The following TUT4 variants were observed in gnomAD, a reference collection of about 807,000 sequenced individuals.
TUT4 encodes the protein terminal uridylyltransferase 4.
In TUT4, 36 loss-of-function variants were observed where a neutral mutation model predicts 192.2. The ratio of observed to expected loss-of-function variants is 0.19; its 90% CI spans 0.14 to 0.25. The LOEUF (loss-of-function observed/expected upper bound fraction) is 0.25, where lower values mean the gene tolerates loss of function less well. Among genes scored for constraint, TUT4 ranks in the 10% least tolerant of loss-of-function variants. The pLI is 1.00. For synonymous variants in TUT4, 618 were observed against 666.0 expected, an observed-to-expected ratio of 0.93 and a Z score of 1.11; for missense variants, 1,493 against 1,957.2, an observed-to-expected ratio of 0.76 and a Z score of 4.47.
At chr1:52,549,907 TGA>T (rs1422742644) in intron 1 of TUT4, among the ~76,000 whole-genome samples, 1 of 152,126 alleles carries the variant, frequency 6.6e-6, no homozygotes, top group Admixed American at 6.5e-5. Flanking sequence ...AGATATCCAA[TGA>T]GATGATGTGA....
At chr1:52,543,622 T>G (rs1687296255) in intron 1 of TUT4, among the ~76,000 whole-genome samples, 2 of 151,900 alleles carry the variant, frequency 1.3e-5, no homozygotes, top group Non-Finnish European at 2.9e-5. Context: ...TAGCTGGGAT[T>G]ACAGGTACCT....
chr1:52,481,772 T>C lies in TUT4; in HGVS notation c.1635+32A>G, dbSNP rs531167260. The stretch of plus-strand genomic sequence containing the variant: ...TCTGCAAGAGCAAACTATATATATA[T>C]ATGCATATATATGTCACAAATTCAT... On this transcript the variant is annotated intron_variant, in intron 10 of 29. Coordinates refer to ENST00000257177, the MANE Select transcript of TUT4 (RefSeq NM_001009881.3). 3 of 1,560,082 alleles carry C rather than the reference T, an allele frequency of 1.9e-6. No homozygotes were observed. The African/African-American group carries it at 4.2e-5, about 22-fold the overall frequency.
chr1:52,473,456 C>T (rs1017659414), intron 13 of TUT4, among the ~76,000 whole-genome samples: 2 of 152,040 alleles, frequency 1.3e-5, no homozygotes, highest in African/African-American at 4.8e-5. Flanking sequence ...GAGGAGGGTA[C>T]TTTTGGAGCT....
At chr1:52,534,301 A>T (rs2149556289) in intron 1 of TUT4, among the ~76,000 whole-genome samples, 1 of 152,328 alleles carries the variant, frequency 6.6e-6, no homozygotes, top group East Asian at 1.9e-4. Flanking sequence ...CGGTATCAGT[A>T]AACCAGTTGA....
intron 1 of TUT4, among the ~76,000 whole-genome samples, chr1:52,537,222 C>A (rs1329349885): frequency 6.6e-6 from 1 of 151,960 alleles, no homozygotes; most frequent in Non-Finnish European, 1.5e-5. Flanking sequence ...TTGGAAAACA[C>A]AATCTATCAT....
chr1:52,469,509 T>TG (rs1665104681), intron 14 of TUT4, among the ~76,000 whole-genome samples: 1 of 152,138 alleles, frequency 6.6e-6, no homozygotes, highest in South Asian at 2.1e-4. Context: ...TTCTCACTGT[T>TG]GGAGTGGGGG....
rs1670701724 is a variant in TUT4 at position 52,489,869 on chromosome 1, A to G, written c.1389-834T>C. ...CTCATCTAGCTTTGAATAAGAAAATACCTTGATCTTAAAATATAATACAAG... is the reference window on the plus strand; with the variant it reads ...CTCATCTAGCTTTGAATAAGAAAATGCCTTGATCTTAAAATATAATACAAG... On this transcript the variant is annotated intron_variant, in intron 8 of 29. Transcript: ENST00000257177. Among the ~76,000 whole-genome samples, 4 of 152,358 alleles carry G rather than the reference A, an allele frequency of 2.6e-5. No individual in the cohort carries two copies. The South Asian group carries it at 8.3e-4, about 32-fold the overall frequency.
chr1:52,470,515 G>A (rs1203885306), intron 14 of TUT4, among the ~76,000 whole-genome samples: 1 of 151,718 alleles, frequency 6.6e-6, no homozygotes, highest in African/African-American at 2.4e-5. Context: ...TTATCAACAG[G>A]TGAATGGATA....
intron 8 of TUT4, among the ~76,000 whole-genome samples, chr1:52,489,424 C>T (rs1570878939): frequency 6.6e-6 from 1 of 152,188 alleles, no homozygotes; most frequent in East Asian, 1.9e-4. Context: ...AATCCTCTTG[C>T]TTTCTACATG....
At chr1:52,480,362 C>CA (rs1341607105) in intron 11 of TUT4, among the ~76,000 whole-genome samples, 6 of 152,092 alleles carry the variant, frequency 3.9e-5, no homozygotes, top group African/African-American at 1.4e-4. Flanking sequence ...GCTAATAAAT[C>CA]AAAAACAACA....
rs375479002 is a variant in TUT4, at chr1:52,480,753, C to A, written c.1848+670G>T. Among the ~76,000 whole-genome samples the A allele has an allele frequency of 5.3e-5, 8 of 152,174 alleles. No homozygotes were observed. In the South Asian group the frequency reaches 1.7e-3, roughly 32 times the overall value. The stretch of plus-strand genomic sequence containing the variant: ...CTTTAGATAAGAACATGGCAAGTTC[C>A]CAGTGAAGTAATAAGCAAGCATTGG... On this transcript the variant is annotated intron_variant, in intron 11 of 29. Transcript: ENST00000257177.
chr1:52,548,083 A>G (rs1226788288), intron 1 of TUT4, among the ~76,000 whole-genome samples: 1 of 152,160 alleles, frequency 6.6e-6, no homozygotes, highest in Non-Finnish European at 1.5e-5. Context: ...AAGTCTTCAC[A>G]TGTCACCCCA....
At chr1:52,538,668 A>AG (rs1479720084) in intron 1 of TUT4, 1 of 151,060 alleles carries the variant, frequency 6.6e-6, no homozygotes, top group African/African-American at 2.4e-5. Context: ...AGAAAAGAAA[A>AG]GAAAAAAAAA....
At chr1:52,479,486 T>C (rs1042193262) in intron 11 of TUT4, among the ~76,000 whole-genome samples, 2 of 152,126 alleles carry the variant, frequency 1.3e-5, no homozygotes, top group Non-Finnish European at 1.5e-5. Flanking sequence ...TCTGGATACA[T>C]GTTGAAGTAG....
chr1:52,503,984 T>G (rs1674845093), intron 4 of TUT4, among the ~76,000 whole-genome samples: 1 of 152,238 alleles, frequency 6.6e-6, no homozygotes, highest in Admixed American at 6.5e-5. Flanking sequence ...TAATATAAGT[T>G]CCAGATCCTT....
rs1170359154 is a variant in TUT4, at chr1:52,515,883, T to C, written c.882+8A>G. ...TTCCCCCCAAATAACTAAAACAACA[T>C]AGTATACTTTTTCAAGTCGAAAGAT... On this transcript the variant is annotated splice_region_variant and intron_variant, in intron 3 of 29. Coordinates refer to ENST00000257177, the MANE Select transcript of TUT4 (RefSeq NM_001009881.3). 9 of 1,613,538 alleles carry C rather than the reference T, an allele frequency of 5.6e-6. No homozygotes were observed. Among genetic ancestry groups the C allele is most frequent in the African/African-American group, 2.7e-5 (2 of 74,788 alleles).
intron 1 of TUT4, among the ~76,000 whole-genome samples, chr1:52,539,385 G>A (rs928247809): frequency 7.9e-5 from 12 of 152,148 alleles, no homozygotes; most frequent in African/African-American, 2.9e-4. Flanking sequence ...CAGATTCCCA[G>A]ATTGAAATGA....
chr1:52,479,150 A>T (rs910697854), intron 11 of TUT4, among the ~76,000 whole-genome samples: 6 of 152,112 alleles, frequency 3.9e-5, no homozygotes, highest in African/African-American at 1.4e-4. Context: ...GCAAACACAC[A>T]AAGAATGAGA....
At chr1:52,448,407 G>A (rs1658239385) in intron 20 of TUT4, among the ~76,000 whole-genome samples, 1 of 151,942 alleles carries the variant, frequency 6.6e-6, no homozygotes, top group African/African-American at 2.4e-5. Context: ...GGCCAACATG[G>A]CAAAACCCCG....
Sources: allele counts gnomAD v4.1 joint callset (sites outside exome capture counted in the v4.1 genomes callset), GRCh38; gene constraint gnomAD v4.1.1; transcripts MANE v1.5; gene names NCBI Gene and HGNC (gene_info 2026-07-23, HGNC 2026-07-21).